CEP104: variants seen among roughly 807,000 people sequenced by gnomAD.
CEP104 encodes the protein centrosomal protein 104.
In CEP104, 84 loss-of-function variants were observed where a neutral mutation model predicts 113.3. The ratio of observed to expected loss-of-function variants is 0.74; its 90% confidence interval spans 0.62 to 0.89. CEP104 has a LOEUF of 0.89. Among genes scored for constraint, CEP104 ranks in the 40% least tolerant of loss-of-function variants. The pLI, the probability that CEP104 is intolerant of heterozygous loss-of-function variation, is 0.00. For missense variants in CEP104, 1,053 were observed against 1,156.6 expected (o/e 0.91, Z 1.30); for synonymous variants, 378 against 421.7 (o/e 0.90, Z 1.27).
At position 3,848,882 on chromosome 1, in the gene CEP104, C is replaced by T. The variant is rs1422514430; in HGVS notation, c.114-101G>A. The T allele has an allele frequency of 3.5e-6, 3 of 847,900 alleles. No homozygotes were observed. The African/African-American group carries it at 5.1e-5, about 14-fold the overall frequency. The allele number at this position is 847,900 out of a possible 1,614,324, so 52.5% of individuals were successfully genotyped here. A position where few individuals can be genotyped will look rare whatever the true frequency, so the allele number is the denominator to read the frequency against. On this transcript the variant is annotated intron_variant, in intron 2 of 21. Transcript: ENST00000378230. ...CAGGTAAGAAGCATTAACCACACACCCACTTTGAACAGAACAGTCTGTAGG... is the reference window on the plus strand; with the variant it reads ...CAGGTAAGAAGCATTAACCACACACTCACTTTGAACAGAACAGTCTGTAGG...
At chr1:3,820,023 G>A (rs936563259) in intron 20 of CEP104, among the ~76,000 whole-genome samples, 4 of 152,124 alleles carry the variant, frequency 2.6e-5, no homozygotes, top group Admixed American at 6.6e-5. Flanking sequence ...GCCTGGCTCC[G>A]GACCCAGGGA....
At chr1:3,836,428 G>T in intron 10 of CEP104, 67 bp downstream of exon 10, 3 of 1,497,562 alleles carry the variant, frequency 2.0e-6, no homozygotes, top group Non-Finnish European at 2.7e-6. Context: ...GTACACAGAG[G>T]TGTGCGTACC....
At chr1:3,846,040 C>T (rs4494088) in intron 4 of CEP104, among the ~76,000 whole-genome samples, 135,524 of 149,572 alleles carry the variant, frequency 0.91, 62,049 homozygotes, top group Middle Eastern at 0.97. Context: ...GATTGCACCA[C>T]TGCACTCCAG....
intron 4 of CEP104, 64 bp from the exon 5 acceptor site, chr1:3,845,415 T>G: frequency 8.0e-7 from 1 of 1,246,516 alleles, no homozygotes; most frequent in Non-Finnish European, 1.2e-6. Flanking sequence ...ACCCTTTTAT[T>G]TACTTATTTT....
At chr1:3,825,323 T>G (rs1644068915) in intron 18 of CEP104, among the ~76,000 whole-genome samples, 1 of 152,222 alleles carries the variant, frequency 6.6e-6, no homozygotes, top group African/African-American at 2.4e-5. Context: ...ACCAGAACGC[T>G]GTGGCAACAT....
chr1:3,845,364 T>C lies in CEP104; in HGVS notation c.427-13A>G. 1 of 1,558,972 alleles carries C rather than the reference T, an allele frequency of 6.4e-7. No homozygotes were observed. The highest frequency in any genetic ancestry group is 8.8e-7 in the Non-Finnish European group (1 of 1,134,972). ...CAACCAAAGCAACCTAAGAAAGTGT[T>C]AAAATAACAGAATTAAATATACAAT... is the stretch of plus-strand genomic sequence containing the variant. On this transcript the variant is annotated splice_polypyrimidine_tract_variant and intron_variant, in intron 4 of 21. Transcript: ENST00000378230.
At chr1:3,818,695 T>A (rs1643916605) in intron 20 of CEP104, among the ~76,000 whole-genome samples, 1 of 152,228 alleles carries the variant, frequency 6.6e-6, no homozygotes, top group African/African-American at 2.4e-5. Context: ...TCAGTCTATT[T>A]ATGTTCTTTG....
rs551364720 is a variant in CEP104, at chr1:3,848,258, C to A, written c.287+350G>T. Among the ~76,000 whole-genome samples the A allele has an allele frequency of 5.9e-5, 9 of 152,050 alleles. No homozygotes were observed. In the East Asian group the frequency reaches 1.7e-3, roughly 29 times the overall value. On this transcript the variant is annotated intron_variant, in intron 3 of 21. Coordinates refer to ENST00000378230, the MANE Select transcript of CEP104 (RefSeq NM_014704.4). The stretch of plus-strand genomic sequence containing the variant: ...ATTTTTAAGAGCTTTCAGGGCCGAG[C>A]GCGGTGACTCACGCCTGTAATCCCA...
intron 1 of CEP104, chr1:3,855,989 A>G: frequency 1.0e-6 from 1 of 972,990 alleles, no homozygotes; most frequent in Non-Finnish European, 1.2e-6. Flanking sequence ...CCCTCACTAC[A>G]CTTTTCCTAG....
At chr1:3,855,491 T>C (rs117431877) in intron 1 of CEP104, among the ~76,000 whole-genome samples, 1,647 of 152,140 alleles carry the variant, frequency 0.011, 55 homozygotes, top group East Asian at 0.1. Context: ...TAACCAACAC[T>C]CTCTGTTACG....
rs1279626751 is a variant in CEP104, at chr1:3,812,462, T to C, written c.*2940A>G. The C allele has an allele frequency of 1.3e-5, 2 of 152,238 alleles. No individual in the cohort carries two copies. The highest frequency in any genetic ancestry group is 2.4e-5 in the African/African-American group (1 of 41,464). 9.4% of individuals were successfully genotyped at this position (152,238 alleles called of 1,614,324 possible). The stretch of plus-strand genomic sequence containing the variant: ...TTTACAGTTCCTTTTTAATTTTTTG[T>C]ACTTGATTCTTGGTCCCTTAACAAT... On this transcript the variant is annotated 3_prime_UTR_variant, in exon 22 of 22. Coordinates refer to ENST00000378230, the MANE Select transcript of CEP104 (RefSeq NM_014704.4).
chr1:3,840,207 G>A (rs1006408934), intron 6 of CEP104, among the ~76,000 whole-genome samples: 5 of 152,256 alleles, frequency 3.3e-5, no homozygotes, highest in Non-Finnish European at 7.4e-5. Context: ...GAGTCCAGGC[G>A]CCGTATTTTA....
intron 4 of CEP104, among the ~76,000 whole-genome samples, chr1:3,845,563 G>A (rs1171846505): frequency 1.3e-5 from 2 of 152,022 alleles, no homozygotes; most frequent in East Asian, 1.9e-4. Flanking sequence ...GAGCCACCAT[G>A]CCCTGCTAAT....
chr1:3,854,668 A>G (rs1295197276), intron 1 of CEP104, among the ~76,000 whole-genome samples: 1 of 134,460 alleles, frequency 7.4e-6, no homozygotes, highest in East Asian at 2.2e-4. Flanking sequence ...GTATTTTAGT[A>G]GAGACGGGGT....
At chr1:3,846,246 C>T (rs1041600395) in intron 4 of CEP104, among the ~76,000 whole-genome samples, 28 of 152,254 alleles carry the variant, frequency 1.8e-4, no homozygotes, top group Admixed American at 3.3e-4. Flanking sequence ...CAGCTCAGTT[C>T]CCAGTTGGTG....
chr1:3,834,883 C>T, intron 11 of CEP104, 42 bp downstream of exon 11: 1 of 1,534,516 alleles, frequency 6.5e-7, no homozygotes, highest in Non-Finnish European at 8.8e-7. Context: ...CGCATGATCT[C>T]ATCCATGCAC....
chr1:3,816,701 G>A (rs764061210), intron 20 of CEP104, among the ~76,000 whole-genome samples: 4 of 152,238 alleles, frequency 2.6e-5, no homozygotes, highest in Middle Eastern at 3.2e-3. Context: ...GAAGCAGAGC[G>A]CCCGCGTGAT....
In CEP104 at chr1:3,855,119, G is replaced by A. The variant is rs1364350257; in HGVS notation, c.-15+1770C>T. On this transcript the variant is annotated intron_variant, in intron 1 of 21. Coordinates refer to ENST00000378230, the MANE Select transcript of CEP104 (RefSeq NM_014704.4). Reference sequence around the variant, plus strand: ...ACTCCTGACCTTAGGTGATCCACCCGCCTCAGCCTCCCAAAGTGTTGGGAT... The same window carrying A: ...ACTCCTGACCTTAGGTGATCCACCCACCTCAGCCTCCCAAAGTGTTGGGAT... Among the ~76,000 whole-genome samples the A allele has an allele frequency of 2.0e-5, 3 of 149,826 alleles. No individual in the cohort carries two copies. In the South Asian group the frequency reaches 6.4e-4, roughly 32 times the overall value.
chr1:3,852,179 G>C (rs2275820), intron 2 of CEP104, 116 bp downstream of exon 2: 2 of 949,162 alleles, frequency 2.1e-6, no homozygotes, highest in East Asian at 5.5e-5. Context: ...GACATCCTTG[G>C]TCCTGATGTC....
Sources: allele counts gnomAD v4.1 joint callset (sites outside exome capture counted in the v4.1 genomes callset), GRCh38; gene constraint gnomAD v4.1.1; transcripts MANE v1.5; gene names NCBI Gene and HGNC (gene_info 2026-07-23, HGNC 2026-07-21).